FANCD2OS: variants seen among roughly 807,000 people sequenced by gnomAD.
FANCD2OS encodes FANCD2 opposite strand protein.
Under a neutral mutation model 13.2 loss-of-function variants are expected in FANCD2OS, and 11 were observed. That is an observed-to-expected ratio of 0.83 (90% CI 0.52 to 1.38). The LOEUF is 1.38. Among genes scored for constraint, FANCD2OS ranks in the 40% most tolerant of loss-of-function variants. The pLI is 0.00. For missense variants in FANCD2OS, 217 were observed against 213.9 expected, an observed-to-expected ratio of 1.01 and a Z score of -0.09; for synonymous variants, 69 against 84.5, an observed-to-expected ratio of 0.82 and a Z score of 1.01.
chr3:10,095,904 C>CG (rs1694928045), intron 2 of FANCD2OS, among the ~76,000 whole-genome samples: 1 of 123,712 alleles, frequency 8.1e-6, no homozygotes, highest in African/African-American at 3.4e-5. Context: ...TTTTTTGAGA[C>CG]GGAGTCTCGC....
At chr3:10,090,323 A>G in intron 2 of FANCD2OS, 1 of 1,611,610 alleles carries the variant, frequency 6.2e-7, no homozygotes, top group Admixed American at 1.7e-5. Flanking sequence ...CCGTGTGATG[A>G]TGGCTGAACT....
intron 2 of FANCD2OS, among the ~76,000 whole-genome samples, chr3:10,097,792 T>C (rs1695061815): frequency 6.6e-6 from 1 of 152,168 alleles, no homozygotes; most frequent in Non-Finnish European, 1.5e-5. Context: ...GTCCATGAAA[T>C]CTTTACAATT....
chr3:10,087,318 T>A (rs1694277569), intron 2 of FANCD2OS: 2 of 1,512,854 alleles, frequency 1.3e-6, no homozygotes, highest in East Asian at 2.3e-5. Flanking sequence ...AGGACTAATA[T>A]CTCACACTTA....
intron 2 of FANCD2OS, chr3:10,094,180 A>G (rs1694817069): frequency 3.8e-6 from 3 of 795,958 alleles, no homozygotes; most frequent in African/African-American, 1.7e-5. Context: ...TGTTTTTTAT[A>G]TATATAAATA....
chr3:10,093,350 A>T (rs56402413), intron 2 of FANCD2OS: 1 of 1,582,112 alleles, frequency 6.3e-7, no homozygotes, highest in African/African-American at 1.3e-5. Flanking sequence ...GCCCTGTTTC[A>T]TATTTATTCT....
At chr3:10,095,920 A>G (rs909361862) in intron 2 of FANCD2OS, among the ~76,000 whole-genome samples, 2 of 124,728 alleles carry the variant, frequency 1.6e-5, no homozygotes, top group South Asian at 4.8e-4. Context: ...CTCGCTTTGT[A>G]GCCCAGGCCG....
chr3:10,093,749 A>G (rs530389748), intron 2 of FANCD2OS, among the ~76,000 whole-genome samples: 34 of 152,224 alleles, frequency 2.2e-4, no homozygotes, highest in Non-Finnish European at 4.3e-4. Context: ...CCTAGATTTG[A>G]TGGGAAGTCC....
rs539240944 is a variant in FANCD2OS, at chr3:10,082,190, C to T, written c.*44-659G>A. Among the ~76,000 whole-genome samples the T allele has an allele frequency of 6.0e-4, 92 of 152,326 alleles. 2 individuals are homozygous for T. The highest frequency in any genetic ancestry group is 2.1e-3 in the African/African-American group (87 of 41,574). The stretch of plus-strand genomic sequence containing the variant: ...AAATGGTACCACCAGTTGCCTGAAC[C>T]AGAAACCAGGAGTTATTCTTTGTCC... On this transcript the variant is annotated intron_variant, in intron 2 of 2. Transcript: ENST00000524279.
chr3:10,104,914 G>T, intron 1 of FANCD2OS, 132 bp from the exon 2 acceptor site: 2 of 589,488 alleles, frequency 3.4e-6, no homozygotes, highest in African/African-American at 1.9e-5. Flanking sequence ...GATTCCAACA[G>T]GTGTTAGGAT....
chr3:10,099,184 A>G (rs982922171), downstream of FANCD2OS: 21 of 1,405,502 alleles, frequency 1.5e-5, no homozygotes, highest in Non-Finnish European at 1.8e-5. Flanking sequence ...CATTTGAAAC[A>G]TACAAAAATA....
downstream of FANCD2OS, chr3:10,098,600 T>A: frequency 8.2e-7 from 1 of 1,212,514 alleles, no homozygotes; most frequent in Non-Finnish European, 1.2e-6. Context: ...TATCCATGTT[T>A]GCTGTGTTTT....
intron 2 of FANCD2OS, chr3:10,088,733 C>A: frequency 7.3e-7 from 1 of 1,367,272 alleles, no homozygotes; most frequent in Non-Finnish European, 1.0e-6. Context: ...TAGCTAACTG[C>A]TTATTGTTAA....
Position 10,087,151 on chromosome 3 carries a change from T to C in FANCD2OS, c.*44-5620A>G. On this transcript the variant is annotated intron_variant, in intron 2 of 2. Transcript: ENST00000524279. Reference sequence around the variant, plus strand: ...CCTTACAGCCAGAGCGTCCATTACTTGCAGAATTTCCATCAAAGCATTCCC... The same window carrying C: ...CCTTACAGCCAGAGCGTCCATTACTCGCAGAATTTCCATCAAAGCATTCCC... 1 of 1,614,142 alleles carries C rather than the reference T, an allele frequency of 6.2e-7. No individual in the cohort carries two copies. Among genetic ancestry groups the C allele is most frequent in the Non-Finnish European group, 8.5e-7 (1 of 1,180,026 alleles).
chr3:10,092,665 C>G (rs1430850123), intron 2 of FANCD2OS, among the ~76,000 whole-genome samples: 3 of 146,092 alleles, frequency 2.1e-5, no homozygotes, highest in African/African-American at 7.6e-5. Context: ...ATGTCCTTGT[C>G]TCTCCACCTC....
In FANCD2OS at chr3:10,096,386, T is replaced by C. The variant is rs762232434; in HGVS notation, c.*43+7812A>G. 2.5e-6 allele frequency: 4 copies of C among 1,613,980 alleles called. No individual in the cohort carries two copies. The East Asian group carries it at 6.7e-5, about 27-fold the overall frequency. ...TCTGCTCAAAAAGACCCTGGAACTT[T>C]TAGTTTGCAGAGTCAAAGCTATGCT... On this transcript the variant is annotated intron_variant, in intron 2 of 2. Coordinates refer to the FANCD2OS transcript ENST00000524279.
At chr3:10,091,209 T>C (rs1559406476) in intron 2 of FANCD2OS, among the ~76,000 whole-genome samples, 2 of 147,488 alleles carry the variant, frequency 1.4e-5, no homozygotes, top group Admixed American at 7.1e-5. Context: ...GCCTCCCAAA[T>C]AGCTGGGACC....
At chr3:10,081,521 T>A in exon 3 of FANCD2OS, 1 of 1,136,642 alleles carries the variant, frequency 8.8e-7, no homozygotes, top group Non-Finnish European at 1.3e-6. Flanking sequence ...TATTTGACAG[T>A]CACCAAGGCA....
At chr3:10,102,562 C>T (rs768445722), downstream of FANCD2OS, among the ~76,000 whole-genome samples, 3 of 151,718 alleles carry the variant, frequency 2.0e-5, no homozygotes, top group East Asian at 1.9e-4. Context: ...CGGTGGCTCG[C>T]GCCTGTAATC....
At chr3:10,087,421 G>A (rs1694284905) in intron 2 of FANCD2OS, among the ~76,000 whole-genome samples, 1 of 150,662 alleles carries the variant, frequency 6.6e-6, no homozygotes, top group African/African-American at 2.4e-5. Context: ...CATTTTCCCA[G>A]AACAACCTGA....
Sources: allele counts gnomAD v4.1 joint callset (sites outside exome capture counted in the v4.1 genomes callset), GRCh38; gene constraint gnomAD v4.1.1; transcripts MANE v1.5; gene names NCBI Gene and HGNC (gene_info 2026-07-23, HGNC 2026-07-21).